The following DENND4C variants were observed in gnomAD, a reference collection of about 807,000 sequenced individuals.
DENND4C encodes the protein DENN domain-containing protein 4C.
A neutral mutation model predicts 203.0 loss-of-function variants in DENND4C; 108 were observed. That is an observed-to-expected ratio of 0.53 (90% CI 0.46 to 0.62). The LOEUF is 0.62. Ranked by LOEUF, DENND4C falls within the 20% of genes least tolerant of loss-of-function variation. DENND4C has a pLI of 0.00. For missense variants in DENND4C, 2,481 were observed against 2,301.2 expected (o/e 1.08, Z -1.60); for synonymous variants, 871 against 792.4 (o/e 1.10, Z -1.67).
intron 30 of DENND4C, among the ~76,000 whole-genome samples, chr9:19,367,547 C>T (rs910598420): frequency 2.0e-5 from 3 of 152,204 alleles, no homozygotes; most frequent in Non-Finnish European, 4.4e-5. Flanking sequence ...ACCAACCTGG[C>T]CAACATGGGG....
At position 19,259,415 on chromosome 9, in the gene DENND4C, C is replaced by A. The variant is rs191037483; in HGVS notation, c.-17-16743C>A. ...TTAATATAATGACCTCCAGTTCTAT[C>A]TATGTTGTTCTAAATGACACAATCT... On this transcript the variant is annotated intron_variant, in intron 1 of 32. Transcript: ENST00000434457. 1.9e-3 allele frequency among the ~76,000 whole-genome samples: 283 copies of A among 151,760 alleles called. 2 individuals carry two copies. Among genetic ancestry groups the A allele is most frequent in the Non-Finnish European group, 3.5e-3 (239 of 67,956 alleles).
intron 9 of DENND4C, 116 bp from the exon 10 acceptor site, chr9:19,305,236 G>A: frequency 1.2e-6 from 1 of 827,296 alleles, no homozygotes; most frequent in African/African-American, 1.7e-5. Flanking sequence ...GAAGTTTAAG[G>A]TAAACAAAAC....
intron 1 of DENND4C, among the ~76,000 whole-genome samples, chr9:19,260,132 CCTGT>C (rs1236850888): frequency 6.6e-6 from 1 of 152,096 alleles, no homozygotes; most frequent in Non-Finnish European, 1.5e-5. Flanking sequence ...TTTGTTATTG[CCTGT>C]CTTTTGGACC....
chr9:19,372,278 T>C lies in DENND4C; in HGVS notation c.*105T>C, dbSNP rs906799398. On this transcript the variant is annotated 3_prime_UTR_variant, in exon 33 of 33. Coordinates refer to ENST00000434457, the MANE Select transcript of DENND4C (RefSeq NM_001330640.2). ...ATCGTAAGAACTGGTGAATACGGAA[T>C]TGAAGTAACTCTTGGGGACAATATA... 5 of 1,350,152 alleles carry C rather than the reference T, an allele frequency of 3.7e-6. No individual in the cohort carries two copies. The highest frequency in any genetic ancestry group is 1.5e-5 in the African/African-American group (1 of 68,480). The allele number at this position is 1,350,152 out of a possible 1,614,324, so 83.6% of individuals were successfully genotyped here.
At position 19,332,193 on chromosome 9, in the gene DENND4C, A is replaced by G. The variant is rs749051030; in HGVS notation, c.2460+9A>G. The G allele has an allele frequency of 1.2e-6, 2 of 1,610,906 alleles. No homozygotes were observed. The highest frequency in any genetic ancestry group is 2.7e-5 in the African/African-American group (2 of 74,808). On this transcript the variant is annotated intron_variant, in intron 17 of 32. Coordinates refer to ENST00000434457, the MANE Select transcript of DENND4C (RefSeq NM_001330640.2). ...TGGATCCCTTAGATGAGGCAAGTAT[A>G]ACAAATTGACATTGTTTCTAAGGTA...
chr9:19,273,987 C>T (rs1244347138), intron 1 of DENND4C, among the ~76,000 whole-genome samples: 1 of 151,986 alleles, frequency 6.6e-6, no homozygotes, highest in East Asian at 1.9e-4. Flanking sequence ...GTGATAGTTT[C>T]ACACGGGAAA....
At chr9:19,334,250 T>C (rs975805205) in intron 17 of DENND4C, among the ~76,000 whole-genome samples, 2 of 152,060 alleles carry the variant, frequency 1.3e-5, no homozygotes, top group Non-Finnish European at 2.9e-5. Flanking sequence ...GGAGTTTCAC[T>C]GTGTTGGCCA....
At chr9:19,340,388 G>A (rs1025695616) in intron 20 of DENND4C, among the ~76,000 whole-genome samples, 1 of 152,090 alleles carries the variant, frequency 6.6e-6, no homozygotes, top group Non-Finnish European at 1.5e-5. Flanking sequence ...CTTTCAGTGT[G>A]ATTATGTTAT....
chr9:19,347,303 G>T (rs1823136293), intron 23 of DENND4C, among the ~76,000 whole-genome samples: 2 of 152,118 alleles, frequency 1.3e-5, no homozygotes, highest in Non-Finnish European at 2.9e-5. Flanking sequence ...GCTAATTTTT[G>T]TATTTTTAGT....
At chr9:19,263,852 AT>A (rs34671236) in intron 1 of DENND4C, among the ~76,000 whole-genome samples, 9,221 of 151,524 alleles carry the variant, frequency 0.061, 410 homozygotes, top group Middle Eastern at 0.12. Context: ...TAGAGACAGG[AT>A]TTCACCATGT....
chr9:19,260,957 G>A (rs1381082892), intron 1 of DENND4C, among the ~76,000 whole-genome samples: 1 of 152,188 alleles, frequency 6.6e-6, no homozygotes, highest in African/African-American at 2.4e-5. Context: ...GTGTCCTGGA[G>A]AGTATCCCCA....
At position 19,342,687 on chromosome 9, in the gene DENND4C, C is replaced by T. The variant is rs1489192631; in HGVS notation, c.3059C>T (p.Pro1020Leu). Residue 1020 changes from proline (P) to leucine (L), a missense_variant, in exon 22 of 33, where the codon CCT becomes CTT. Physicochemically the swap from Pro to Leu is moderately conservative, Grantham distance 98. Coordinates refer to ENST00000434457, the MANE Select transcript of DENND4C (RefSeq NM_001330640.2). ...AAACATTCACAACCTAGTCCAGAGC[C>T]TCACAGTCCTACTGAACCTCCTGCA... The part of the protein sequence containing the change: ...VAKHSQPSPE[P>L]HSPTEPPAWG... The T allele has an allele frequency of 1.9e-6, 3 of 1,613,344 alleles. No individual in the cohort carries two copies. Among genetic ancestry groups the T allele is most frequent in the Admixed American group, 1.7e-5 (1 of 59,916 alleles).
At chr9:19,276,789 C>G (rs1776456374) in intron 2 of DENND4C, 1 of 180,494 alleles carries the variant, frequency 5.5e-6, no homozygotes, top group African/African-American at 2.3e-5. Flanking sequence ...TAATTAAACA[C>G]AATAGAATGA....
chr9:19,339,953 C>T (rs1821249866), intron 20 of DENND4C, among the ~76,000 whole-genome samples: 1 of 152,072 alleles, frequency 6.6e-6, no homozygotes, highest in Admixed American at 6.6e-5. Context: ...CTCAGATTAT[C>T]CCCGTGTTGG....
rs1446755019 is a variant in DENND4C at position 19,311,185 on chromosome 9, C to G, written c.1488-5232C>G. On this transcript the variant is annotated intron_variant, in intron 10 of 32. Coordinates refer to ENST00000434457, the MANE Select transcript of DENND4C (RefSeq NM_001330640.2). ...CCCACGCTGGATGGAGTAGAGTGGC[C>G]CAATCTTGGCTCACTGCAACCTCCA... Among the ~76,000 whole-genome samples the G allele has an allele frequency of 4.6e-5, 7 of 151,936 alleles. No homozygotes were observed. The East Asian group carries it at 1.2e-3, about 25-fold the overall frequency.
intron 10 of DENND4C, among the ~76,000 whole-genome samples, chr9:19,312,817 CTGA>C (rs1158203922): frequency 2.6e-5 from 4 of 152,196 alleles, no homozygotes; most frequent in Non-Finnish European, 5.9e-5. Context: ...AAAAAAATCA[CTGA>C]TGCTCTTTTT....
chr9:19,261,517 T>A (rs73425094), intron 1 of DENND4C, among the ~76,000 whole-genome samples: 1 of 151,790 alleles, frequency 6.6e-6, no homozygotes, highest in African/African-American at 2.4e-5. Context: ...TTTCCTTTTT[T>A]TTGGAGATAG....
At chr9:19,288,953 A>G (rs1406310653) in intron 4 of DENND4C, among the ~76,000 whole-genome samples, 1 of 152,252 alleles carries the variant, frequency 6.6e-6, no homozygotes, top group Non-Finnish European at 1.5e-5. Context: ...ACTTAACAGT[A>G]TAATGGAAAG....
intron 26 of DENND4C, among the ~76,000 whole-genome samples, chr9:19,353,003 G>A: frequency 6.6e-6 from 1 of 152,056 alleles, no homozygotes; most frequent in Admixed American, 6.6e-5. Flanking sequence ...GGGCATGGTA[G>A]TGTGCACCTG....
Sources: gnomAD v4.1 joint callset for allele counts (sites outside exome capture counted in the v4.1 genomes callset) on GRCh38, gnomAD v4.1.1 for gene constraint, MANE v1.5 for transcripts, NCBI Gene and HGNC (gene_info 2026-07-23, HGNC 2026-07-21) for gene names.